Variants in ADGB observed in about 807,000 individuals in gnomAD.
ADGB encodes the protein calpain-7-like protein.
ADGB carries 172 observed loss-of-function variants against 210.5 expected under a neutral mutation model. The ratio of observed to expected loss-of-function variants is 0.82; its 90% CI spans 0.72 to 0.93. The LOEUF is 0.93. Ranked by LOEUF, ADGB falls within the 40% of genes least tolerant of loss-of-function variation. The pLI, the probability that ADGB is intolerant of heterozygous loss-of-function variation, is 0.00. For synonymous variants in ADGB, 658 were observed against 662.7 expected, an observed-to-expected ratio of 0.99 and a Z score of 0.11; for missense variants, 2,025 against 1,964.8, an observed-to-expected ratio of 1.03 and a Z score of -0.58.
chr6:146,804,240 A>T (rs1042634090), intron 35 of ADGB, among the ~76,000 whole-genome samples: 1 of 149,692 alleles, frequency 6.7e-6, no homozygotes, highest in Admixed American at 6.7e-5. Context: ...GATAATGAGA[A>T]TCTTTTTTTC....
rs1313173723 is a variant in ADGB at position 146,654,191 on chromosome 6, T to G, written c.387T>G (p.His129Gln). 1.1e-5 allele frequency: 17 copies of G among 1,545,588 alleles called. No homozygotes were observed. Among genetic ancestry groups the G allele is most frequent in the Non-Finnish European group, 1.5e-5 (17 of 1,142,780 alleles). Residue 129 changes from histidine (H) to glutamine (Q), a missense_variant, in exon 4 of 36, where the codon CAT becomes CAG. His to Gln is a conservative substitution (Grantham distance 24). Transcript: ENST00000397944. Reference protein sequence around the residue: ...ITFDLFSANEHLLCSELMRWI... With the variant: ...ITFDLFSANEQLLCSELMRWI... The stretch of plus-strand genomic sequence containing the variant: ...TTGACTTATTTTCAGCAAATGAACA[T>G]TTACTCTGCAGCGAGGTATGTACAG...
chr6:146,781,583 TA>T (rs1777801095), intron 29 of ADGB, among the ~76,000 whole-genome samples: 1 of 151,900 alleles, frequency 6.6e-6, no homozygotes, highest in Non-Finnish European at 1.5e-5. Context: ...TCTTCCATCT[TA>T]AAAAACTAGA....
chr6:146,654,619 T>C (rs1412196176), intron 4 of ADGB, among the ~76,000 whole-genome samples: 1 of 152,100 alleles, frequency 6.6e-6, no homozygotes, highest in Admixed American at 6.6e-5. Flanking sequence ...CCCAAAGTGC[T>C]GGGATTACAA....
At chr6:146,644,621 C>G (rs1775578581) in intron 2 of ADGB, among the ~76,000 whole-genome samples, 152 bp from the exon 3 acceptor site, 2 of 151,892 alleles carry the variant, frequency 1.3e-5, no homozygotes, top group African/African-American at 2.4e-5. Context: ...TCTTTAAATA[C>G]TCCATGAATT....
chr6:146,724,156 A>G lies in ADGB; in HGVS notation c.2096-30A>G, dbSNP rs1432346604. 22 of 1,525,842 alleles carry G rather than the reference A, an allele frequency of 1.4e-5. No homozygotes were observed. In the East Asian group the frequency reaches 5.0e-4, roughly 35 times the overall value. The allele number at this position is 1,525,842 out of a possible 1,614,324, so 94.5% of individuals were successfully genotyped here. ...AATGCCAACTACACTTTCATGATCA[A>G]ACTTTAATACCTTTTTACTTATCTT... is the stretch of plus-strand genomic sequence containing the variant. On this transcript the variant is annotated intron_variant, in intron 17 of 35. Transcript: ENST00000397944.
chr6:146,647,096 AAC>A lies in ADGB; in HGVS notation c.330+2233_330+2234del, dbSNP rs1402141155. Among the ~76,000 whole-genome samples the A allele has an allele frequency of 2.4e-3, 348 of 144,010 alleles. 8 individuals are homozygous for A. Among genetic ancestry groups the A allele is most frequent in the Non-Finnish European group, 4.2e-3 (277 of 65,996 alleles). The allele number at this position is 144,010 out of a possible 152,430, so 94.5% of individuals were successfully genotyped here. A position where few individuals can be genotyped will look rare whatever the true frequency, so the allele number is the denominator to read the frequency against. The stretch of plus-strand genomic sequence containing the variant: ...AGAGTGAGAGCCTGTCTCAAAAAAA[AAC>A]AAAAAACAAAAAACAAAAAACAAAC... On this transcript the variant is annotated intron_variant, in intron 3 of 35. Transcript: ENST00000397944.
chr6:146,660,088 A>T (rs544056462), intron 5 of ADGB, among the ~76,000 whole-genome samples: 1 of 152,206 alleles, frequency 6.6e-6, no homozygotes, highest in African/African-American at 2.4e-5. Context: ...CCCAACATCA[A>T]ACTGGCTGTT....
intron 33 of ADGB, among the ~76,000 whole-genome samples, chr6:146,798,403 T>C (rs185226968): frequency 6.6e-6 from 1 of 152,028 alleles, no homozygotes; most frequent in African/African-American, 2.4e-5. Context: ...CACAACAAAC[T>C]GGTAATACAA....
In ADGB at chr6:146,685,656, T is replaced by C. The variant is rs533563795; in HGVS notation, c.1217-78T>C. On this transcript the variant is annotated intron_variant, in intron 9 of 35. Transcript: ENST00000397944. ...CCCGAAGATAAATTCATTAAGGCAA[T>C]TGAACAATCTGGAGTGAGCAACTGA... is the stretch of plus-strand genomic sequence containing the variant. 1.2e-4 allele frequency: 86 copies of C among 702,276 alleles called. 1 individual carries two copies. The South Asian group carries it at 2.0e-3, about 17-fold the overall frequency. The allele number at this position is 702,276 out of a possible 1,614,324, so 43.5% of individuals were successfully genotyped here. A position where few individuals can be genotyped will look rare whatever the true frequency, so the allele number is the denominator to read the frequency against.
At chr6:146,790,789 A>G (rs1777944391) in intron 33 of ADGB, among the ~76,000 whole-genome samples, 1 of 152,186 alleles carries the variant, frequency 6.6e-6, no homozygotes, top group Admixed American at 6.5e-5. Flanking sequence ...ATGGCTTGTA[A>G]TAATTCCCAG....
chr6:146,703,889 A>G (rs1231618620), intron 13 of ADGB, among the ~76,000 whole-genome samples: 1 of 151,118 alleles, frequency 6.6e-6, no homozygotes, highest in Non-Finnish European at 1.5e-5. Flanking sequence ...CAACCTCCAT[A>G]CTGTTTTCTA....
At chr6:146,719,752 G>T (rs1293269079) in intron 16 of ADGB, among the ~76,000 whole-genome samples, 3 of 152,132 alleles carry the variant, frequency 2.0e-5, no homozygotes, top group Non-Finnish European at 4.4e-5. Context: ...CCTTGAAAAT[G>T]ACAGAAAATG....
chr6:146,631,677 G>A (rs1781068091), intron 1 of ADGB, among the ~76,000 whole-genome samples: 2 of 152,056 alleles, frequency 1.3e-5, no homozygotes, highest in African/African-American at 4.8e-5. Flanking sequence ...AAAATCCAAT[G>A]TTCCTACCAC....
At chr6:146,755,091 A>G (rs1233239508) in intron 27 of ADGB, among the ~76,000 whole-genome samples, 1 of 152,024 alleles carries the variant, frequency 6.6e-6, no homozygotes, top group Non-Finnish European at 1.5e-5. Context: ...TATATTTTTC[A>G]TGTATTATAT....
In ADGB at chr6:146,635,499, G is replaced by C. The variant is rs919598072; in HGVS notation, c.199G>C (p.Ala67Pro). 17 of 1,547,516 alleles carry C rather than the reference G, an allele frequency of 1.1e-5. No individual in the cohort carries two copies. The highest frequency in any genetic ancestry group is 5.9e-5 in the Admixed American group (3 of 50,622). Residue 67 changes from alanine (A) to proline (P), a missense_variant, in exon 2 of 36, where the codon GCA (alanine) becomes CCA (proline). Transcript: ENST00000397944. The stretch of plus-strand genomic sequence containing the variant: ...AGAAAAGTGGGATGCAGGCAAAGGT[G>C]CAAAAGAAAAGGACAAAACAGGAAA... ...NSEKWDAGKG[A>P]KEKDKTGKSP...
At chr6:146,679,792 T>A (rs748212674) in intron 9 of ADGB, among the ~76,000 whole-genome samples, 1 of 152,300 alleles carries the variant, frequency 6.6e-6, no homozygotes, top group Admixed American at 6.5e-5. Context: ...AAAAGAAACC[T>A]TGATGCAAAT....
chr6:146,806,902 A>T (rs2114671428), intron 35 of ADGB, among the ~76,000 whole-genome samples: 1 of 152,318 alleles, frequency 6.6e-6, no homozygotes, highest in East Asian at 1.9e-4. Context: ...ATTTAACTAC[A>T]TATAAGGCCT....
chr6:146,632,776 A>G (rs1160382007), intron 1 of ADGB, among the ~76,000 whole-genome samples: 2 of 152,120 alleles, frequency 1.3e-5, no homozygotes, highest in Non-Finnish European at 2.9e-5. Flanking sequence ...AGGACTTTAA[A>G]TATTTGTTCC....
chr6:146,692,440 TTA>T (rs1054909217), intron 11 of ADGB, among the ~76,000 whole-genome samples: 1 of 152,186 alleles, frequency 6.6e-6, no homozygotes, highest in African/African-American at 2.4e-5. Flanking sequence ...CATTTCCTCC[TTA>T]TATCCTAAGC....
Sources: gnomAD v4.1 joint callset for allele counts (sites outside exome capture counted in the v4.1 genomes callset) on GRCh38, gnomAD v4.1.1 for gene constraint, MANE v1.5 for transcripts, NCBI Gene and HGNC (gene_info 2026-07-23, HGNC 2026-07-21) for gene names.